The following PPP3CB variants were observed in gnomAD, a reference collection of about 807,000 sequenced individuals.
PPP3CB encodes serine/threonine-protein phosphatase 2B catalytic subunit beta isoform.
PPP3CB carries 8 observed loss-of-function variants against 66.4 expected under a neutral mutation model. The observed-to-expected ratio is 0.12, with a 90% CI of 0.07 to 0.22. The LOEUF (loss-of-function observed/expected upper bound fraction) is 0.22, where lower values mean the gene tolerates loss of function less well. Among genes scored for constraint, PPP3CB ranks in the 10% least tolerant of loss-of-function variants. The probability of loss-of-function intolerance (pLI) is 1.00; values close to 1 mark genes in which losing one functional copy is unlikely to be tolerated. For missense variants in PPP3CB, 319 were observed against 642.5 expected, an observed-to-expected ratio of 0.50 and a Z score of 5.44; for synonymous variants, 208 against 221.2, an observed-to-expected ratio of 0.94 and a Z score of 0.53.
chr10:73,467,419 C>A, intron 9 of PPP3CB, 134 bp downstream of exon 9: 1 of 637,336 alleles, frequency 1.6e-6, no homozygotes, highest in Non-Finnish European at 2.4e-6. Context: ...TGTCCACACC[C>A]ACTGACACAA....
intron 1 of PPP3CB, among the ~76,000 whole-genome samples, chr10:73,481,290 G>A (rs557477274): frequency 2.6e-4 from 39 of 151,064 alleles, no homozygotes; most frequent in African/African-American, 8.5e-4. Flanking sequence ...TGGCCAACAT[G>A]GTGAAACCCC....
intron 9 of PPP3CB, among the ~76,000 whole-genome samples, chr10:73,459,529 G>A (rs150343434): frequency 3.9e-5 from 6 of 152,304 alleles, no homozygotes; most frequent in East Asian, 1.9e-4. Context: ...CATATTCTTC[G>A]CAGCATTATT....
At chr10:73,486,342 G>A (rs1479260623) in intron 1 of PPP3CB, among the ~76,000 whole-genome samples, 1 of 113,250 alleles carries the variant, frequency 8.8e-6, no homozygotes, top group East Asian at 3.1e-4. Context: ...TTTTGCTCTT[G>A]TTGCCCAGGC....
At position 73,495,792 on chromosome 10, in the gene PPP3CB, G is replaced by A. The variant is rs777614048; in HGVS notation, c.85+13C>T. On this transcript the variant is annotated intron_variant, in intron 1 of 13. Coordinates refer to ENST00000360663, the MANE Select transcript of PPP3CB (RefSeq NM_021132.4). ...CTTCAGGCCAGGCCCCCAGGGTTTC[G>A]TCCACCTCTCACCTTTGACGACGCG... 5.8e-6 allele frequency: 9 copies of A among 1,562,740 alleles called. No individual in the cohort carries two copies. The South Asian group carries it at 9.0e-5, about 16-fold the overall frequency.
chr10:73,463,274 A>G (rs149156524), intron 9 of PPP3CB, among the ~76,000 whole-genome samples: 1 of 152,262 alleles, frequency 6.6e-6, no homozygotes, highest in Non-Finnish European at 1.5e-5. Context: ...TAACTTCATA[A>G]CAGGTCTCTC....
At chr10:73,450,631 G>A (rs1190025278) in intron 10 of PPP3CB, among the ~76,000 whole-genome samples, 1 of 152,176 alleles carries the variant, frequency 6.6e-6, no homozygotes, top group African/African-American at 2.4e-5. Context: ...TAGCAGTAAA[G>A]GGAGATCTAT....
At chr10:73,465,756 G>C (rs952922320) in intron 9 of PPP3CB, among the ~76,000 whole-genome samples, 33 of 152,124 alleles carry the variant, frequency 2.2e-4, no homozygotes, top group Non-Finnish European at 1.2e-4. Context: ...CACACCAAAA[G>C]AAAATGCTCA....
At position 73,460,442 on chromosome 10, in the gene PPP3CB, A is replaced by G. The variant is rs192956947; in HGVS notation, c.1109-5953T>C. 3.9e-5 allele frequency among the ~76,000 whole-genome samples: 6 copies of G among 152,266 alleles called. No individual in the cohort carries two copies. In the East Asian group the frequency reaches 1.2e-3, roughly 29 times the overall value. On this transcript the variant is annotated intron_variant, in intron 9 of 13. Transcript: ENST00000360663. ...TAAAGCAAGTTTCCTGAAAAAGCAG[A>G]AAGGTAATAGAATCTAGAGACAAGT...
At chr10:73,460,265 CAAAAAAAAAAAAA>C (rs11447229) in intron 9 of PPP3CB, among the ~76,000 whole-genome samples, 36 of 35,828 alleles carry the variant, frequency 1.0e-3, no homozygotes, top group African/African-American at 3.1e-3. Flanking sequence ...AAAGTAATAG[CAAAAAAAAAAAAA>C]AAAAAAAAAA....
chr10:73,495,892 T>G lies in PPP3CB; in HGVS notation c.-3A>C. On this transcript the variant is annotated 5_prime_UTR_variant, in exon 1 of 14. Transcript: ENST00000360663. ...CGGGCCGGCTCCGGGGCGGCCATGCTGGGCCCGGGGCTCGGCTAGGCTCTG... is the reference window on the plus strand; with the variant it reads ...CGGGCCGGCTCCGGGGCGGCCATGCGGGGCCCGGGGCTCGGCTAGGCTCTG... 1 of 621,956 alleles carries G rather than the reference T, an allele frequency of 1.6e-6. No individual in the cohort carries two copies. The highest frequency in any genetic ancestry group is 2.1e-6 in the Non-Finnish European group (1 of 471,184). The allele number at this position is 621,956 out of a possible 1,614,324, so 38.5% of individuals were successfully genotyped here.
At chr10:73,489,961 C>T (rs565787445) in intron 1 of PPP3CB, among the ~76,000 whole-genome samples, 2 of 152,270 alleles carry the variant, frequency 1.3e-5, no homozygotes, top group African/African-American at 4.8e-5. Flanking sequence ...TAGCCAATCC[C>T]TTCTTTACAG....
At chr10:73,452,631 G>A (rs2056365233) in intron 10 of PPP3CB, among the ~76,000 whole-genome samples, 1 of 151,780 alleles carries the variant, frequency 6.6e-6, no homozygotes, top group East Asian at 1.9e-4. Context: ...GGGAGGTGGA[G>A]CTTGCAGTGA....
intron 8 of PPP3CB, 60 bp from the exon 9 acceptor site, chr10:73,467,738 T>G: frequency 7.1e-7 from 1 of 1,418,026 alleles, no homozygotes; most frequent in Non-Finnish European, 9.5e-7. Flanking sequence ...TCATTAGCCT[T>G]AAAAATATAA....
At chr10:73,477,079 T>C (rs2056802025) in intron 3 of PPP3CB, 1 of 497,724 alleles carries the variant, frequency 2.0e-6, no homozygotes, top group Non-Finnish European at 4.0e-6. Context: ...TGTTTACTAA[T>C]AATACCTTGG....
In PPP3CB at chr10:73,471,153, G is replaced by A. The variant is rs529357514; in HGVS notation, c.726C>T (p.Ser242=). The A allele has an allele frequency of 1.7e-5, 27 of 1,610,790 alleles. No homozygotes were observed. The highest frequency in any genetic ancestry group is 1.7e-4 in the Middle Eastern group (1 of 6,050). ...CATTTCCAAAATCTTCAGAAGGATC[G>A]GACCATAACAAGTCACACATTGGTC... ...AFGPMCDLLW[S]DPSEDFGNEK... is the part of the protein sequence containing the mutation. Residue 242 remains serine, a synonymous_variant, in exon 6 of 14, where the codon TCC becomes TCT. Transcript: ENST00000360663.
At chr10:73,462,808 G>A (rs2056545717) in intron 9 of PPP3CB, among the ~76,000 whole-genome samples, 1 of 151,870 alleles carries the variant, frequency 6.6e-6, no homozygotes, top group Admixed American at 6.6e-5. Context: ...AAATTAGCTA[G>A]GTGTGGTGAC....
chr10:73,452,791 T>C (rs1457639261), intron 10 of PPP3CB, among the ~76,000 whole-genome samples: 4 of 152,044 alleles, frequency 2.6e-5, no homozygotes, highest in Admixed American at 6.5e-5. Flanking sequence ...ATAATAAATA[T>C]ACTATGTCAG....
chr10:73,451,992 C>T (rs534944727), intron 10 of PPP3CB, among the ~76,000 whole-genome samples: 9 of 151,760 alleles, frequency 5.9e-5, no homozygotes, highest in East Asian at 3.9e-4. Flanking sequence ...ATGATCCACC[C>T]GCCTCAGCCT....
At chr10:73,494,145 G>T (rs1230489996) in intron 1 of PPP3CB, among the ~76,000 whole-genome samples, 1 of 151,756 alleles carries the variant, frequency 6.6e-6, no homozygotes, top group African/African-American at 2.4e-5. Context: ...TTGATAGAAT[G>T]AATGTCTGCA....
Sources: gnomAD v4.1 joint callset for allele counts (sites outside exome capture counted in the v4.1 genomes callset) on GRCh38, gnomAD v4.1.1 for gene constraint, MANE v1.5 for transcripts, NCBI Gene and HGNC (gene_info 2026-07-23, HGNC 2026-07-21) for gene names.